HS3ST2: variants seen among roughly 807,000 people sequenced by gnomAD.
HS3ST2 encodes heparan sulfate glucosamine 3-O-sulfotransferase 2.
Under a neutral mutation model 26.3 loss-of-function variants are expected in HS3ST2, and 17 were observed. The ratio of observed to expected loss-of-function variants is 0.65; its 90% CI spans 0.44 to 0.97. The LOEUF (loss-of-function observed/expected upper bound fraction) is 0.97, where lower values mean the gene tolerates loss of function less well. HS3ST2 is among the 50% of genes least tolerant of loss of function. The pLI is 0.00. For missense variants in HS3ST2, 402 were observed against 501.2 expected (o/e 0.80, Z 1.89); for synonymous variants, 237 against 219.2 (o/e 1.08, Z -0.72).
At chr16:22,833,084 C>T (rs965412924) in intron 1 of HS3ST2, among the ~76,000 whole-genome samples, 6 of 152,208 alleles carry the variant, frequency 3.9e-5, no homozygotes, top group Non-Finnish European at 8.8e-5. Flanking sequence ...ACCTCACTCC[C>T]CAGCCTCTGC....
chr16:22,915,219 T>C lies in HS3ST2; in HGVS notation c.761T>C (p.Val254Ala). The change falls in exon 2 of 2, where the codon GTG (valine) becomes GCG (alanine). Residue 254 changes from valine to alanine, a missense_variant. Transcript: ENST00000261374. The stretch of plus-strand genomic sequence containing the variant: ...AACGCCATCCGCATCGGCATGTACG[T>C]GCTGCACCTGGAGAGCTGGCTGCAG... ...SWNAIRIGMY[V>A]LHLESWLQYF... 2 of 1,614,122 alleles carry C rather than the reference T, an allele frequency of 1.2e-6. No homozygotes were observed.
chr16:22,913,144 AAGGAAGGGAGGGAGGGAGGG>A (rs1315271929), intron 1 of HS3ST2, among the ~76,000 whole-genome samples: 4 of 95,664 alleles, frequency 4.2e-5, no homozygotes, highest in African/African-American at 1.9e-4. Context: ...GGAAGGAAGG[AAGGAAGGGAGGGAGGGAGGG>A]AGGGAGGGAG....
At chr16:22,854,695 G>A (rs530822669) in intron 1 of HS3ST2, 1 of 149,736 alleles carries the variant, frequency 6.7e-6, no homozygotes, top group South Asian at 2.1e-4. Flanking sequence ...CTTGGGTGCA[G>A]TGGAATGATC....
intron 1 of HS3ST2, among the ~76,000 whole-genome samples, chr16:22,913,776 G>T (rs766118395): frequency 6.6e-6 from 1 of 152,158 alleles, no homozygotes; most frequent in Non-Finnish European, 1.5e-5. Context: ...CAAGGCAGGA[G>T]GATCACTTGA....
intron 1 of HS3ST2, among the ~76,000 whole-genome samples, chr16:22,831,338 A>G (rs1281504714): frequency 1.3e-5 from 2 of 152,184 alleles, no homozygotes; most frequent in Non-Finnish European, 2.9e-5. Flanking sequence ...GTCATTGTCT[A>G]TCAATAGCCT....
At chr16:22,856,830 A>G (rs1396355286) in intron 1 of HS3ST2, among the ~76,000 whole-genome samples, 1 of 152,168 alleles carries the variant, frequency 6.6e-6, no homozygotes, top group East Asian at 1.9e-4. Context: ...TGGGCATGTC[A>G]CATCACTTCT....
At chr16:22,908,196 G>A (rs899212845) in intron 1 of HS3ST2, among the ~76,000 whole-genome samples, 12 of 152,162 alleles carry the variant, frequency 7.9e-5, no homozygotes, top group Admixed American at 4.6e-4. Context: ...GAATGGTTTG[G>A]GGAGAGTTAG....
chr16:22,870,914 C>T (rs1486388055), intron 1 of HS3ST2, among the ~76,000 whole-genome samples: 1 of 152,146 alleles, frequency 6.6e-6, no homozygotes, highest in Non-Finnish European at 1.5e-5. Context: ...TACAATGGTT[C>T]AACTTAAGAT....
chr16:22,864,680 T>G (rs1472651151), intron 1 of HS3ST2, among the ~76,000 whole-genome samples: 1 of 151,998 alleles, frequency 6.6e-6, no homozygotes, highest in Non-Finnish European at 1.5e-5. Flanking sequence ...ACCACTCTCC[T>G]AGGAAGAAGG....
chr16:22,851,116 C>T (rs1362546437), intron 1 of HS3ST2, among the ~76,000 whole-genome samples: 1 of 152,130 alleles, frequency 6.6e-6, no homozygotes, highest in Non-Finnish European at 1.5e-5. Flanking sequence ...AGCTGCAGGA[C>T]ATCTTATAAC....
chr16:22,914,324 A>G (rs1902461441), intron 1 of HS3ST2, among the ~76,000 whole-genome samples: 1 of 152,180 alleles, frequency 6.6e-6, no homozygotes, highest in Non-Finnish European at 1.5e-5. Context: ...ATATTAATGC[A>G]TACAGATCTA....
intron 1 of HS3ST2, among the ~76,000 whole-genome samples, chr16:22,861,729 G>C (rs778585128): frequency 6.6e-6 from 1 of 152,230 alleles, no homozygotes; most frequent in Admixed American, 6.5e-5. Context: ...TGTGGCCTCC[G>C]GCATCTCATG....
At chr16:22,890,803 C>A (rs1902116958) in intron 1 of HS3ST2, among the ~76,000 whole-genome samples, 1 of 152,178 alleles carries the variant, frequency 6.6e-6, no homozygotes. Flanking sequence ...AACTCTTGGG[C>A]CTTCCTAATT....
rs201615477 is a variant in HS3ST2 at position 22,841,012 on chromosome 16, T to A, written c.485+25917T>A. Among the ~76,000 whole-genome samples the A allele has an allele frequency of 2.1e-4, 28 of 133,340 alleles. No individual in the cohort carries two copies. The East Asian group carries it at 3.8e-3, about 18-fold the overall frequency. 87.5% of individuals were successfully genotyped at this position (133,340 alleles called of 152,430 possible). On this transcript the variant is annotated intron_variant, in intron 1 of 1. Coordinates refer to ENST00000261374, the MANE Select transcript of HS3ST2 (RefSeq NM_006043.2). ...CCAGTGTGTGATGTTCCCCTTCCTGTGTCCATGTGTTCTCATTGTTCAATT... is the reference window on the plus strand; with the variant it reads ...CCAGTGTGTGATGTTCCCCTTCCTGAGTCCATGTGTTCTCATTGTTCAATT...
chr16:22,909,880 A>G (rs907425684), intron 1 of HS3ST2, among the ~76,000 whole-genome samples: 10 of 152,064 alleles, frequency 6.6e-5, no homozygotes, highest in Admixed American at 6.5e-4. Context: ...TCTACTAAAT[A>G]CAAAAAATTA....
chr16:22,914,484 T>A (rs1034810489), intron 1 of HS3ST2, among the ~76,000 whole-genome samples: 1 of 151,890 alleles, frequency 6.6e-6, no homozygotes, highest in East Asian at 1.9e-4. Context: ...GGTGGGAGGA[T>A]TGCTTGAGCC....
intron 1 of HS3ST2, among the ~76,000 whole-genome samples, chr16:22,832,791 T>C (rs1395109785): frequency 2.1e-5 from 3 of 144,710 alleles, no homozygotes; most frequent in African/African-American, 7.7e-5. Context: ...TATCCCAGGG[T>C]TTTCCCCAAA....
intron 1 of HS3ST2, 108 bp from the exon 2 acceptor site, chr16:22,914,829 ACAGAGGC>A (rs1381374214): frequency 2.0e-6 from 2 of 1,003,140 alleles, no homozygotes; most frequent in Non-Finnish European, 2.9e-6. Context: ...TTTGAGTGGA[ACAGAGGC>A]CAGGAGGAGG....
intron 1 of HS3ST2, among the ~76,000 whole-genome samples, chr16:22,850,997 C>G (rs1439959179): frequency 6.6e-6 from 1 of 152,124 alleles, no homozygotes; most frequent in Non-Finnish European, 1.5e-5. Flanking sequence ...GGCTTTCAAC[C>G]AGAGTGACTA....
Sources: gnomAD v4.1 joint callset for allele counts (sites outside exome capture counted in the v4.1 genomes callset) on GRCh38, gnomAD v4.1.1 for gene constraint, MANE v1.5 for transcripts, NCBI Gene and HGNC (gene_info 2026-07-23, HGNC 2026-07-21) for gene names.